ARHGEF18: variants seen among roughly 807,000 people sequenced by gnomAD.
The protein encoded by ARHGEF18 is Rho/Rac guanine nucleotide exchange factor 18, also known as rho guanine nucleotide exchange factor 18.
A neutral mutation model predicts 155.7 loss-of-function variants in ARHGEF18; 93 were observed. The observed-to-expected ratio is 0.60, with a 90% CI of 0.50 to 0.71. ARHGEF18 has a LOEUF of 0.71. Among genes scored for constraint, ARHGEF18 ranks in the 30% least tolerant of loss-of-function variants. ARHGEF18 has a pLI of 0.00. For synonymous variants in ARHGEF18, 742 were observed against 753.1 expected, an observed-to-expected ratio of 0.99 and a Z score of 0.24; for missense variants, 1,593 against 1,816.1, an observed-to-expected ratio of 0.88 and a Z score of 2.23.
chr19:7,425,780 G>A (rs967810695), intron 10 of ARHGEF18, among the ~76,000 whole-genome samples: 2 of 150,766 alleles, frequency 1.3e-5, no homozygotes, highest in Non-Finnish European at 3.0e-5. Context: ...CAGGAGAATC[G>A]CTTGAGGTTA....
At chr19:7,364,635 T>C (rs1007661865) in intron 2 of ARHGEF18, among the ~76,000 whole-genome samples, 10 of 151,906 alleles carry the variant, frequency 6.6e-5, no homozygotes, top group African/African-American at 2.2e-4. Flanking sequence ...CTGGGTGGAG[T>C]TGGGGCACAG....
chr19:7,455,303 A>G (rs780145947), intron 17 of ARHGEF18, among the ~76,000 whole-genome samples: 2 of 152,196 alleles, frequency 1.3e-5, no homozygotes, highest in Non-Finnish European at 2.9e-5. Flanking sequence ...CAAGCCAAAA[A>G]ACGGAAAAAC....
chr19:7,357,513 T>C (rs1039429750), intron 1 of ARHGEF18, among the ~76,000 whole-genome samples: 1 of 152,140 alleles, frequency 6.6e-6, no homozygotes, highest in Admixed American at 6.6e-5. Context: ...TCCAGGCTGA[T>C]GGACAGCTCC....
At chr19:7,392,871 T>C (rs1350055946) in intron 10 of ARHGEF18, among the ~76,000 whole-genome samples, 1 of 150,960 alleles carries the variant, frequency 6.6e-6, no homozygotes, top group Non-Finnish European at 1.5e-5. Flanking sequence ...CTAGGCAACA[T>C]GGCGAAACTC....
chr19:7,474,754 A>AGTGTGT (rs3219570), downstream of ARHGEF18, among the ~76,000 whole-genome samples: 232 of 142,036 alleles, frequency 1.6e-3, 2 homozygotes, highest in Middle Eastern at 7.1e-3. Context: ...TGGGCATTGG[A>AGTGTGT]GTGTGTGTGT....
rs1971613967 is a variant in ARHGEF18, at chr19:7,395,081, C to T, written c.967+11878C>T. The T allele has an allele frequency of 1.0e-6, 1 of 985,400 alleles. No homozygotes were observed. The highest frequency in any genetic ancestry group is 6.1e-5 in the Admixed American group (1 of 16,274). The allele number at this position is 985,400 out of a possible 1,614,324, so 61.0% of individuals were successfully genotyped here. A position where few individuals can be genotyped will look rare whatever the true frequency, so the allele number is the denominator to read the frequency against. On this transcript the variant is annotated intron_variant, in intron 10 of 28. Coordinates refer to ENST00000668164, the MANE Select transcript of ARHGEF18 (RefSeq NM_001367823.1). The surrounding 1 kb of genome is among the most constrained non-coding windows in gnomAD (Gnocchi z 5.0). Reference sequence around the variant, plus strand: ...TTCCGGGTCACGCCCTCTGCCCCGCCTCCGAGGCGGGATCGCGCATGCGCT... The same window carrying T: ...TTCCGGGTCACGCCCTCTGCCCCGCTTCCGAGGCGGGATCGCGCATGCGCT...
At chr19:7,475,195 G>A (rs113361978), downstream of ARHGEF18, among the ~76,000 whole-genome samples, 19,980 of 152,104 alleles carry the variant, frequency 0.13, 1,946 homozygotes, top group African/African-American at 0.26. Context: ...TCGCGCCACC[G>A]CACTCCAGCC....
At chr19:7,389,538 A>ATT (rs201127521) in intron 10 of ARHGEF18, among the ~76,000 whole-genome samples, 2 of 109,046 alleles carry the variant, frequency 1.8e-5, no homozygotes, top group Non-Finnish European at 3.9e-5. Flanking sequence ...TTATTTACTT[A>ATT]TTTTTTTTTT....
chr19:7,423,277 C>G (rs966371616), intron 10 of ARHGEF18, among the ~76,000 whole-genome samples: 1 of 152,138 alleles, frequency 6.6e-6, no homozygotes, highest in Non-Finnish European at 1.5e-5. Context: ...AGGGAGCTAA[C>G]AGTTGGCCCC....
chr19:7,378,854 G>A (rs901903518), intron 6 of ARHGEF18, among the ~76,000 whole-genome samples: 2 of 151,862 alleles, frequency 1.3e-5, no homozygotes, highest in Non-Finnish European at 2.9e-5. Context: ...CACCACGCCC[G>A]GCTAATTTTT....
rs557738164 is a variant in ARHGEF18, at chr19:7,396,588, G to A, written c.967+13385G>A. Among the ~76,000 whole-genome samples, 23 of 152,144 alleles carry A rather than the reference G, an allele frequency of 1.5e-4. No homozygotes were observed. In the South Asian group the frequency reaches 3.7e-3, roughly 25 times the overall value. Reference sequence around the variant, plus strand: ...AAATTAGCCGGGCATGGTAGCGGGCGCCTGTAGTTCCAGCTACTCTGGAGG... The same window carrying A: ...AAATTAGCCGGGCATGGTAGCGGGCACCTGTAGTTCCAGCTACTCTGGAGG... On this transcript the variant is annotated intron_variant, in intron 10 of 28. Transcript: ENST00000668164.
At chr19:7,446,646 CAGG>C (rs1284140348) in intron 14 of ARHGEF18, among the ~76,000 whole-genome samples, 4 of 151,950 alleles carry the variant, frequency 2.6e-5, no homozygotes, top group Admixed American at 2.6e-4. Context: ...GAGGCTGAGG[CAGG>C]AGAATCGCTT....
intron 10 of ARHGEF18, among the ~76,000 whole-genome samples, chr19:7,427,668 G>A (rs574044137): frequency 3.4e-5 from 5 of 147,698 alleles, no homozygotes; most frequent in Non-Finnish European, 6.0e-5. Flanking sequence ...AAAGAAGGCC[G>A]GGCGCAGTGG....
chr19:7,462,237 C>T lies in ARHGEF18; in HGVS notation c.2538C>T (p.Gly846=). The T allele has an allele frequency of 6.2e-7, 1 of 1,613,904 alleles. No individual in the cohort carries two copies. Among genetic ancestry groups the T allele is most frequent in the African/African-American group, 1.3e-5 (1 of 75,064 alleles). Residue 846 remains glycine, a synonymous_variant, in exon 21 of 29, where the codon GGC becomes GGT. Coordinates refer to ENST00000668164, the MANE Select transcript of ARHGEF18 (RefSeq NM_001367823.1). The surrounding 1 kb of genome is among the most constrained non-coding windows in gnomAD (Gnocchi z 4.4). The part of the protein sequence containing the change: ...QIYLEMAEMG[G]LEDLPQPRGL... ...ACCTGGAGATGGCCGAGATGGGCGGCCTCGAAGACCTGCCCCAGCCCCGAG... is the reference window on the plus strand; with the variant it reads ...ACCTGGAGATGGCCGAGATGGGCGGTCTCGAAGACCTGCCCCAGCCCCGAG...
chr19:7,470,123 C>A lies in ARHGEF18; in HGVS notation c.3914-3C>A. 4 of 1,612,330 alleles carry A rather than the reference C, an allele frequency of 2.5e-6. No homozygotes were observed. In the Middle Eastern group the frequency reaches 5.0e-4, roughly 200 times the overall value. ...CTCAGTCTGAACCCTCTCTCTGTTCCAGACCCTGGCTTCCCCGCCCCGAGC... is the reference window on the plus strand; with the variant it reads ...CTCAGTCTGAACCCTCTCTCTGTTCAAGACCCTGGCTTCCCCGCCCCGAGC... On this transcript the variant is annotated splice_polypyrimidine_tract_variant and splice_region_variant and intron_variant, in intron 28 of 28. Coordinates refer to ENST00000668164, the MANE Select transcript of ARHGEF18 (RefSeq NM_001367823.1). The surrounding 1 kb of genome is among the most constrained non-coding windows in gnomAD (Gnocchi z 5.9).
chr19:7,425,212 T>C (rs978983241), intron 10 of ARHGEF18, among the ~76,000 whole-genome samples: 26 of 152,054 alleles, frequency 1.7e-4, no homozygotes, highest in Admixed American at 1.6e-3. Context: ...TTTTTTTTTC[T>C]AATGCCCCTA....
At chr19:7,385,885 TCCCTCCCTCC>T (rs1971019767) in intron 10 of ARHGEF18, among the ~76,000 whole-genome samples, 3 of 31,524 alleles carry the variant, frequency 9.5e-5, no homozygotes, top group African/African-American at 7.5e-4. Context: ...CCTCCCTCTC[TCCCTCCCTCC>T]CTCTCTCTCT....
chr19:7,372,351 G>T (rs1300639346), intron 2 of ARHGEF18, among the ~76,000 whole-genome samples: 1 of 152,046 alleles, frequency 6.6e-6, no homozygotes, highest in Non-Finnish European at 1.5e-5. Context: ...TTTGCAAGAA[G>T]AAAAGGCAGG....
chr19:7,403,384 C>T (rs866941572), intron 10 of ARHGEF18, among the ~76,000 whole-genome samples: 3 of 152,160 alleles, frequency 2.0e-5, no homozygotes, highest in East Asian at 1.9e-4. Context: ...CCAGCAGCCA[C>T]GACCCTACTT....
Sources: gnomAD v4.1 joint callset for allele counts (sites outside exome capture counted in the v4.1 genomes callset) on GRCh38, gnomAD v4.1.1 for gene constraint, Gnocchi (gnomAD v3.1) non-coding constraint, MANE v1.5 for transcripts, NCBI Gene and HGNC (gene_info 2026-07-23, HGNC 2026-07-21) for gene names.